The following NLGN1 variants were observed in gnomAD, a reference collection of about 807,000 sequenced individuals.
The protein encoded by NLGN1 is neuroligin 1.
A neutral mutation model predicts 65.5 loss-of-function variants in NLGN1; 12 were observed. The ratio of observed to expected loss-of-function variants is 0.18; its 90% CI spans 0.12 to 0.30. The LOEUF (loss-of-function observed/expected upper bound fraction) is 0.30, where lower values mean the gene tolerates loss of function less well. NLGN1 is among the 10% of genes least tolerant of loss of function. The pLI is 1.00. For synonymous variants in NLGN1, 350 were observed against 359.5 expected, an observed-to-expected ratio of 0.97 and a Z score of 0.30; for missense variants, 750 against 1,007.1, an observed-to-expected ratio of 0.74 and a Z score of 3.46.
intron 4 of NLGN1, among the ~76,000 whole-genome samples, chr3:173,887,686 G>C (rs1258731467): frequency 2.6e-5 from 4 of 151,714 alleles, no homozygotes; most frequent in Admixed American, 6.6e-5. Flanking sequence ...ATTTTCCATG[G>C]TTAGTTTTAA....
rs562482258 is a variant in NLGN1 at position 173,801,276 on chromosome 3, G to A, written c.494-6404G>A. Among the ~76,000 whole-genome samples the A allele has an allele frequency of 2.4e-4, 36 of 152,046 alleles. No individual in the cohort carries two copies. In the South Asian group the frequency reaches 4.8e-3, roughly 20 times the overall value. On this transcript the variant is annotated intron_variant, in intron 3 of 6. Coordinates refer to ENST00000457714, the Ensembl canonical transcript of NLGN1. ...TGATTTCACTGTACCTTTACATGGT[G>A]TTAAAGTGAGCTCATCTTTTTTGGT... is the stretch of plus-strand genomic sequence containing the variant.
intron 3 of NLGN1, among the ~76,000 whole-genome samples, chr3:173,732,467 A>G (rs533877897): frequency 6.6e-6 from 1 of 152,272 alleles, no homozygotes; most frequent in East Asian, 1.9e-4. Context: ...AGTGCTGCAC[A>G]TAGCTGCTTT....
At chr3:173,773,111 C>CCCA (rs1341426625) in intron 3 of NLGN1, among the ~76,000 whole-genome samples, 1 of 152,118 alleles carries the variant, frequency 6.6e-6, no homozygotes, top group Non-Finnish European at 1.5e-5. Flanking sequence ...AACACCCAGC[C>CCCA]CCACTGCCAT....
chr3:173,835,186 G>C (rs926452665), intron 4 of NLGN1, among the ~76,000 whole-genome samples: 1 of 152,120 alleles, frequency 6.6e-6, no homozygotes, highest in African/African-American at 2.4e-5. Flanking sequence ...GAGCATTATA[G>C]TTTATCAGAA....
At chr3:174,209,513 T>G (rs1194166778) in intron 4 of NLGN1, among the ~76,000 whole-genome samples, 1 of 151,844 alleles carries the variant, frequency 6.6e-6, no homozygotes, top group Non-Finnish European at 1.5e-5. Context: ...TGAGGTCAGA[T>G]GAGAATATGT....
intron 4 of NLGN1, among the ~76,000 whole-genome samples, chr3:173,887,239 A>T (rs1417522205): frequency 6.6e-6 from 1 of 152,020 alleles, no homozygotes; most frequent in Non-Finnish European, 1.5e-5. Context: ...TCACAGTAAA[A>T]ATGCTTTCAT....
At chr3:174,265,952 A>T (rs1414377747) in intron 4 of NLGN1, among the ~76,000 whole-genome samples, 1 of 147,286 alleles carries the variant, frequency 6.8e-6, no homozygotes, top group African/African-American at 2.5e-5. Flanking sequence ...ATATATGTGT[A>T]TGTGTATATA....
intron 3 of NLGN1, among the ~76,000 whole-genome samples, chr3:173,677,712 A>G (rs1446347133): frequency 2.0e-5 from 3 of 152,114 alleles, no homozygotes; most frequent in African/African-American, 4.8e-5. Flanking sequence ...ATGGGCCAAA[A>G]GAACTACCAT....
At chr3:173,566,075 C>G (rs535218643) in intron 2 of NLGN1, among the ~76,000 whole-genome samples, 120 of 152,118 alleles carry the variant, frequency 7.9e-4, no homozygotes, top group Non-Finnish European at 4.3e-4. Flanking sequence ...CCGGCCTATA[C>G]GGAGTGAGGT....
intron 2 of NLGN1, among the ~76,000 whole-genome samples, chr3:173,577,345 G>A (rs1745662336): frequency 1.3e-5 from 2 of 152,160 alleles, no homozygotes; most frequent in African/African-American, 2.4e-5. Context: ...ATTTTGTGAT[G>A]TAACAAATCA....
chr3:173,481,979 T>C lies in NLGN1; in HGVS notation c.-321+46901T>C, dbSNP rs527886114. ...TGTTTGTTATTCATTTGTGTTTCTT[T>C]TATGAATTGCTGAGGTCTTTTATCA... On this transcript the variant is annotated intron_variant, in intron 2 of 6. Transcript: ENST00000457714. Among the ~76,000 whole-genome samples the C allele has an allele frequency of 4.6e-5, 7 of 152,138 alleles. No individual in the cohort carries two copies. In the South Asian group the frequency reaches 1.2e-3, roughly 27 times the overall value.
intron 3 of NLGN1, among the ~76,000 whole-genome samples, chr3:173,701,232 G>C (rs2149881459): frequency 6.6e-6 from 1 of 152,320 alleles, no homozygotes. Context: ...TCCATATTCT[G>C]TGAACATATT....
intron 4 of NLGN1, among the ~76,000 whole-genome samples, chr3:173,852,404 G>C (rs1727157609): frequency 8.3e-6 from 1 of 120,798 alleles, no homozygotes; most frequent in Non-Finnish European, 1.8e-5. Flanking sequence ...TGGTTATTTA[G>C]ATTGGAAAAT....
intron 4 of NLGN1, among the ~76,000 whole-genome samples, chr3:174,017,833 G>A (rs1447535117): frequency 6.6e-6 from 1 of 152,134 alleles, no homozygotes; most frequent in Non-Finnish European, 1.5e-5. Context: ...CAGTACTGGG[G>A]CGAAATTAAA....
chr3:173,802,422 C>G (rs955118791), intron 3 of NLGN1, among the ~76,000 whole-genome samples: 14 of 152,268 alleles, frequency 9.2e-5, no homozygotes, highest in African/African-American at 2.9e-4. Context: ...TCAAAACAGT[C>G]AATTCCAGTT....
intron 4 of NLGN1, among the ~76,000 whole-genome samples, chr3:174,034,764 G>A (rs1441583095): frequency 6.6e-6 from 1 of 152,082 alleles, no homozygotes; most frequent in African/African-American, 2.4e-5. Flanking sequence ...AAAAATTTGA[G>A]GAAGTGGGAA....
In NLGN1 at chr3:173,760,548, CAA is replaced by C. The variant is rs1664568639; in HGVS notation, c.494-47131_494-47130del. The stretch of plus-strand genomic sequence containing the variant: ...AAAAAATTATATTTATGTAATCTCT[CAA>C]TGTGCTATTCATTAGTACATAAATC... On this transcript the variant is annotated intron_variant, in intron 3 of 6. Transcript: ENST00000457714. Among the ~76,000 whole-genome samples, 7 of 152,018 alleles carry C rather than the reference CAA, an allele frequency of 4.6e-5. No individual in the cohort carries two copies. The South Asian group carries it at 1.5e-3, about 32-fold the overall frequency.
At chr3:173,566,856 G>A (rs1006768025) in intron 2 of NLGN1, among the ~76,000 whole-genome samples, 2 of 152,024 alleles carry the variant, frequency 1.3e-5, no homozygotes, top group Non-Finnish European at 2.9e-5. Flanking sequence ...GAGTAAAAAA[G>A]AGTAAAGAAA....
At chr3:174,212,835 C>A (rs573091002) in intron 4 of NLGN1, among the ~76,000 whole-genome samples, 39 of 152,330 alleles carry the variant, frequency 2.6e-4, no homozygotes, top group African/African-American at 8.9e-4. Flanking sequence ...TTGCCTCCTG[C>A]ATCTTCTAGG....
Sources: allele counts gnomAD v4.1 joint callset (sites outside exome capture counted in the v4.1 genomes callset), GRCh38; gene constraint gnomAD v4.1.1; transcripts MANE v1.5; gene names NCBI Gene and HGNC (gene_info 2026-07-23, HGNC 2026-07-21).